TAFA2: variants seen among roughly 807,000 people sequenced by gnomAD.
TAFA2 encodes chemokine-like protein TAFA-2.
TAFA2 carries 7 observed loss-of-function variants against 18.8 expected under a neutral mutation model. That is an observed-to-expected ratio of 0.37 (90% CI 0.21 to 0.70). TAFA2 has a LOEUF of 0.70. Ranked by LOEUF, TAFA2 falls within the 30% of genes least tolerant of loss-of-function variation. The pLI is 0.53. For synonymous variants in TAFA2, 60 were observed against 54.2 expected, an observed-to-expected ratio of 1.11 and a Z score of -0.47; for missense variants, 122 against 158.1, an observed-to-expected ratio of 0.77 and a Z score of 1.23.
chr12:62,112,395 C>A (rs565606484), intron 1 of TAFA2, among the ~76,000 whole-genome samples: 13 of 152,252 alleles, frequency 8.5e-5, no homozygotes, highest in African/African-American at 2.9e-4. Flanking sequence ...GGTAACCCGA[C>A]CTTTCTCTCT....
At chr12:61,851,774 C>CAAAAAAAAAAAAAAAAAAAAAAAA (rs55651727) in intron 2 of TAFA2, among the ~76,000 whole-genome samples, 2 of 14,502 alleles carry the variant, frequency 1.4e-4, no homozygotes, top group East Asian at 3.2e-3. Flanking sequence ...GACTCCATCT[C>CAAAAAAAAAAAAAAAAAAAAAAAA]AAAAAAAAAA....
chr12:62,031,247 T>C (rs1218848596), intron 1 of TAFA2, among the ~76,000 whole-genome samples: 1 of 151,946 alleles, frequency 6.6e-6, no homozygotes, highest in Non-Finnish European at 1.5e-5. Context: ...GTGGTCACCA[T>C]CTAAGAAACT....
At chr12:62,106,186 T>G (rs1048096336) in intron 1 of TAFA2, among the ~76,000 whole-genome samples, 1 of 147,262 alleles carries the variant, frequency 6.8e-6, no homozygotes, top group South Asian at 2.2e-4. Context: ...TAAAAAAAAA[T>G]AGCCGGGTGT....
intron 1 of TAFA2, among the ~76,000 whole-genome samples, chr12:61,938,618 A>C (rs1361747311): frequency 6.6e-6 from 1 of 152,220 alleles, no homozygotes; most frequent in Admixed American, 6.5e-5. Flanking sequence ...TGTTTATTGC[A>C]TCAAAATTCA....
intron 1 of TAFA2, among the ~76,000 whole-genome samples, chr12:62,048,061 C>T (rs777609701): frequency 5.3e-5 from 8 of 152,124 alleles, no homozygotes; most frequent in Non-Finnish European, 8.8e-5. Flanking sequence ...GCTTCTAATT[C>T]GGAATTAATC....
In TAFA2 at chr12:62,019,119, A is replaced by T. The variant is rs1343333481; in HGVS notation, c.-1-151693T>A. On this transcript the variant is annotated intron_variant, in intron 1 of 4. Transcript: ENST00000416284. ...TCAGAGAAACGCAAATCAAAACCAC[A>T]ATGAGATACCATCTCACACCAGTTA... Among the ~76,000 whole-genome samples the T allele has an allele frequency of 1.1e-4, 16 of 152,324 alleles. 1 individual carries two copies. The East Asian group carries it at 3.1e-3, about 29-fold the overall frequency.
chr12:62,183,069 A>G (rs1339259758), intron 1 of TAFA2, among the ~76,000 whole-genome samples: 4 of 152,236 alleles, frequency 2.6e-5, no homozygotes, highest in African/African-American at 9.6e-5. Flanking sequence ...CCCAAAATTC[A>G]TATACTAAAG....
intron 4 of TAFA2, among the ~76,000 whole-genome samples, chr12:61,726,301 T>A (rs946729821): frequency 5.3e-5 from 8 of 152,038 alleles, no homozygotes; most frequent in Admixed American, 5.3e-4. Context: ...TGGGAATGCA[T>A]TGAATTTGTA....
chr12:61,849,002 T>C (rs1380682278), intron 2 of TAFA2, among the ~76,000 whole-genome samples: 1 of 151,972 alleles, frequency 6.6e-6, no homozygotes, highest in South Asian at 2.1e-4. Context: ...CCACAACGGC[T>C]GGCTAATTTT....
chr12:62,147,126 G>A (rs141919883), intron 1 of TAFA2, among the ~76,000 whole-genome samples: 274 of 150,630 alleles, frequency 1.8e-3, no homozygotes, highest in African/African-American at 6.6e-3. Flanking sequence ...ACAGAAGACT[G>A]AAACTAGATC....
At chr12:61,835,094 GA>G (rs36123795) in intron 2 of TAFA2, among the ~76,000 whole-genome samples, 1 of 151,468 alleles carries the variant, frequency 6.6e-6, no homozygotes. Context: ...TGCCTGAGGG[GA>G]AAAAAACATT....
intron 1 of TAFA2, among the ~76,000 whole-genome samples, chr12:61,908,706 G>T (rs531531226): frequency 6.6e-6 from 1 of 152,120 alleles, no homozygotes; most frequent in Middle Eastern, 3.2e-3. Context: ...CCAAATTATG[G>T]TCCACTAAAT....
intron 1 of TAFA2, among the ~76,000 whole-genome samples, chr12:61,980,129 C>A (rs1293899517): frequency 2.6e-5 from 4 of 151,960 alleles, no homozygotes; most frequent in Admixed American, 1.3e-4. Flanking sequence ...GTATCCCTGG[C>A]CATGCAAGGC....
At chr12:62,202,121 C>T (rs966549137) in intron 1 of TAFA2, among the ~76,000 whole-genome samples, 1 of 151,362 alleles carries the variant, frequency 6.6e-6, no homozygotes, top group Non-Finnish European at 1.5e-5. Flanking sequence ...CTATTTTATT[C>T]TTCTCTCTTT....
intron 2 of TAFA2, among the ~76,000 whole-genome samples, chr12:61,831,448 C>T (rs188513731): frequency 5.6e-4 from 85 of 152,102 alleles, no homozygotes; most frequent in South Asian, 1.9e-3. Context: ...CTGATCAAAT[C>T]AAAGCTACTT....
At chr12:62,132,609 T>C (rs1359903993) in intron 1 of TAFA2, among the ~76,000 whole-genome samples, 1 of 151,936 alleles carries the variant, frequency 6.6e-6, no homozygotes, top group Non-Finnish European at 1.5e-5. Flanking sequence ...CAAAAGTAAT[T>C]TGTTTTAAAA....
At chr12:61,774,767 T>C (rs948183210) in intron 2 of TAFA2, among the ~76,000 whole-genome samples, 2 of 151,494 alleles carry the variant, frequency 1.3e-5, no homozygotes, top group African/African-American at 4.8e-5. Flanking sequence ...AAAGATCTTA[T>C]CCATGTAACC....
rs1476724570 is a variant in TAFA2 at position 62,249,253 on chromosome 12, GCTCC to G, written c.-130+9506_-130+9509del. Among the ~76,000 whole-genome samples the G allele has an allele frequency of 8.1e-5, 11 of 136,428 alleles. No homozygotes were observed. The East Asian group carries it at 8.5e-4, about 11-fold the overall frequency. 89.5% of individuals were successfully genotyped at this position (136,428 alleles called of 152,430 possible). A position where few individuals can be genotyped will look rare whatever the true frequency, so the allele number is the denominator to read the frequency against. On this transcript the variant is annotated intron_variant, in intron 1 of 5. Coordinates refer to the TAFA2 transcript ENST00000551619. ...ATTCTTGGTAAACAACTTAGGGACT[GCTCC>G]CTCCTTTTTTTTCCTAAAAAAAAAA...
At chr12:62,084,133 C>T (rs1360127896) in intron 1 of TAFA2, among the ~76,000 whole-genome samples, 10 of 152,204 alleles carry the variant, frequency 6.6e-5, no homozygotes, top group Non-Finnish European at 1.3e-4. Context: ...ACAAAATCAT[C>T]TGGCAACAGC....
Sources: gnomAD v4.1 joint callset for allele counts (sites outside exome capture counted in the v4.1 genomes callset) on GRCh38, gnomAD v4.1.1 for gene constraint, MANE v1.5 for transcripts, NCBI Gene and HGNC (gene_info 2026-07-23, HGNC 2026-07-21) for gene names.